Variants in PFKP observed in about 807,000 individuals in gnomAD.
The protein encoded by PFKP is ATP-dependent 6-phosphofructokinase, platelet type.
A neutral mutation model predicts 94.3 loss-of-function variants in PFKP; 101 were observed. The ratio of observed to expected loss-of-function variants is 1.07; its 90% CI spans 0.91 to 1.26. The LOEUF (loss-of-function observed/expected upper bound fraction) is 1.26, where lower values mean the gene tolerates loss of function less well. Among genes scored for constraint, PFKP ranks in the 50% most tolerant of loss-of-function variants. The pLI is 0.00. For missense variants in PFKP, 1,145 were observed against 1,103.3 expected (o/e 1.04, Z -0.53); for synonymous variants, 573 against 432.6 (o/e 1.32, Z -4.03).
At chr10:3,107,794 G>C (rs1588486659) in intron 8 of PFKP, 2 of 1,200,342 alleles carry the variant, frequency 1.7e-6, no homozygotes, top group East Asian at 1.2e-4. Flanking sequence ...AACAGGCTTT[G>C]GCAGGCTTTG....
chr10:3,113,252 C>A, intron 12 of PFKP, 64 bp downstream of exon 12: 1 of 1,583,340 alleles, frequency 6.3e-7, no homozygotes, highest in Non-Finnish European at 8.6e-7. Context: ...TGGCCTCTGC[C>A]TCAGTGAATG....
At chr10:3,095,562 CTG>C (rs1834415258) in intron 2 of PFKP, among the ~76,000 whole-genome samples, 1 of 152,156 alleles carries the variant, frequency 6.6e-6, no homozygotes, top group Non-Finnish European at 1.5e-5. Flanking sequence ...GGCCAAAAAA[CTG>C]AGATAAGGTT....
intron 8 of PFKP, chr10:3,107,865 A>T (rs770983253): frequency 3.1e-6 from 4 of 1,287,276 alleles, no homozygotes; most frequent in Non-Finnish European, 4.0e-6. Context: ...GAGGACTCTG[A>T]TACCATGGGC....
intron 16 of PFKP, among the ~76,000 whole-genome samples, chr10:3,123,336 G>A (rs1286570854): frequency 2.0e-5 from 3 of 152,246 alleles, no homozygotes; most frequent in Non-Finnish European, 4.4e-5. Flanking sequence ...CTGATTCACA[G>A]CCTGGCTGCG....
At chr10:3,128,582 G>A (rs754360384) in intron 16 of PFKP, among the ~76,000 whole-genome samples, 23 of 152,248 alleles carry the variant, frequency 1.5e-4, no homozygotes, top group Non-Finnish European at 2.8e-4. Flanking sequence ...CTCGTGGCCC[G>A]TTCAGGTGCC....
chr10:3,122,696 T>C (rs1375707981), intron 16 of PFKP, among the ~76,000 whole-genome samples: 3 of 152,220 alleles, frequency 2.0e-5, no homozygotes, highest in African/African-American at 7.2e-5. Context: ...TGGTGACTCA[T>C]GGCATGGCCC....
At chr10:3,118,225 C>T (rs1166277341) in intron 14 of PFKP, among the ~76,000 whole-genome samples, 5 of 152,168 alleles carry the variant, frequency 3.3e-5, no homozygotes, top group Non-Finnish European at 5.9e-5. Flanking sequence ...CCCCAGCACT[C>T]TGGGAGGCTG....
In PFKP at chr10:3,112,238, A is replaced by G. The variant is rs183262974; in HGVS notation, c.1106A>G (p.Lys369Arg). 2 of 1,613,760 alleles carry G rather than the reference A, an allele frequency of 1.2e-6. No homozygotes were observed. Among genetic ancestry groups the G allele is most frequent in the African/African-American group, 2.7e-5 (2 of 75,044 alleles). ...TTTTAAAAGACTCAGGATGTGCAGA[A>G]GGCGATGGACGAGAGGAGATTTCAA... ...ECVQMTQDVQ[K>R]AMDERRFQDA... is the part of the protein sequence containing the mutation. The change falls in exon 11 of 22, where the codon AAG becomes AGG. Residue 369 changes from lysine to arginine, a missense_variant. Physicochemically the swap from Lys to Arg is conservative, Grantham distance 26. Transcript: ENST00000381125.
intron 3 of PFKP, chr10:3,101,084 T>A: frequency 8.9e-7 from 1 of 1,119,394 alleles, no homozygotes; most frequent in Non-Finnish European, 1.4e-6. Flanking sequence ...CACCGCAGGC[T>A]GGTTCCTGCT....
At chr10:3,104,777 C>G in intron 5 of PFKP, 1 of 388,024 alleles carries the variant, frequency 2.6e-6, no homozygotes, top group Non-Finnish European at 4.7e-6. Flanking sequence ...CCGACTGTGC[C>G]CAATAGAGAA....
intron 10 of PFKP, among the ~76,000 whole-genome samples, chr10:3,110,687 A>T (rs1317924833): frequency 6.6e-6 from 1 of 152,070 alleles, no homozygotes; most frequent in Non-Finnish European, 1.5e-5. Flanking sequence ...TATGTGTGTG[A>T]GTGTGTGCGC....
At chr10:3,077,261 C>CTTTTTTTTTTTTTTTTTTTT (rs34485324) in intron 1 of PFKP, among the ~76,000 whole-genome samples, 8 of 84,238 alleles carry the variant, frequency 9.5e-5, no homozygotes, top group Admixed American at 1.7e-4. Context: ...TTTTTTTTTT[C>CTTTTTTTTTTTTTTTTTTTT]TTTTTTTTTT....
In PFKP at chr10:3,103,963, C is replaced by G. The variant is rs2306293; in HGVS notation, c.620+19C>G. The G allele has an allele frequency of 0.22, 347,560 of 1,609,374 alleles. 38,685 individuals carry two copies. Among genetic ancestry groups the G allele is most frequent in the African/African-American group, 0.27 (20,063 of 74,928 alleles). On this transcript the variant is annotated intron_variant, in intron 5 of 21. Coordinates refer to ENST00000381125, the MANE Select transcript of PFKP (RefSeq NM_002627.5). ...CCCAGAGGTAAAGCGCTCAGAGGAA[C>G]CGGCGGGAGGCCAGTGGGGCCCGAC...
Position 3,098,926 on chromosome 10 carries a change from G to A in PFKP, c.187-349G>A, listed in dbSNP as rs542380850. Among the ~76,000 whole-genome samples, 326 of 152,302 alleles carry A rather than the reference G, an allele frequency of 2.1e-3. 1 individual carries two copies. Among genetic ancestry groups the A allele is most frequent in the African/African-American group, 7.0e-3 (292 of 41,568 alleles). On this transcript the variant is annotated intron_variant, in intron 2 of 21. Coordinates refer to ENST00000381125, the MANE Select transcript of PFKP (RefSeq NM_002627.5). ...GACAGTGCTGTGTGCCTGTGAGTTTGTGCTGAAGTATGATAAACACGTTGG... is the reference window on the plus strand; with the variant it reads ...GACAGTGCTGTGTGCCTGTGAGTTTATGCTGAAGTATGATAAACACGTTGG...
chr10:3,092,721 C>T (rs1004093600), intron 2 of PFKP, among the ~76,000 whole-genome samples: 1 of 152,130 alleles, frequency 6.6e-6, no homozygotes, highest in Non-Finnish European at 1.5e-5. Context: ...CTGATAGAAA[C>T]CCTTCATTCT....
chr10:3,080,340 A>T (rs1251580764), intron 1 of PFKP, among the ~76,000 whole-genome samples: 1 of 151,908 alleles, frequency 6.6e-6, no homozygotes, highest in Admixed American at 6.6e-5. Context: ...ACACGGTGAA[A>T]CCCCGTCTCT....
chr10:3,067,649 G>A lies in PFKP; in HGVS notation c.54G>A (p.Glu18=), dbSNP rs1482852842. 6.5e-7 allele frequency: 1 copy of A among 1,535,526 alleles called. No individual in the cohort carries two copies. ...AGGGCTCCTTGCGGAAGTTCCTGGAGCACCTCTCCGGGGCCGGCAAGGCCA... is the reference window on the plus strand; with the variant it reads ...AGGGCTCCTTGCGGAAGTTCCTGGAACACCTCTCCGGGGCCGGCAAGGCCA... The part of the protein sequence containing the change: ...APKGSLRKFL[E]HLSGAGKAIG... Residue 18 remains glutamate, a synonymous_variant, in exon 1 of 22, where the codon GAG becomes GAA. Transcript: ENST00000381125.
intron 1 of PFKP, among the ~76,000 whole-genome samples, chr10:3,079,498 C>T (rs571141598): frequency 5.9e-5 from 9 of 152,154 alleles, no homozygotes; most frequent in Non-Finnish European, 1.0e-4. Flanking sequence ...CCTCCCAAAG[C>T]ACTGGGATTA....
intron 3 of PFKP, among the ~76,000 whole-genome samples, chr10:3,099,917 G>T (rs1430246676): frequency 6.6e-6 from 1 of 151,866 alleles, no homozygotes. Context: ...GTGTGTGTCT[G>T]TATGTAGGTG....
Sources: allele counts gnomAD v4.1 joint callset (sites outside exome capture counted in the v4.1 genomes callset), GRCh38; gene constraint gnomAD v4.1.1; transcripts MANE v1.5; gene names NCBI Gene and HGNC (gene_info 2026-07-23, HGNC 2026-07-21).